TFEC: variants seen among roughly 807,000 people sequenced by gnomAD.
TFEC encodes class E basic helix-loop-helix protein 34.
In TFEC, 31 loss-of-function variants were observed where a neutral mutation model predicts 41.6. The ratio of observed to expected loss-of-function variants is 0.74; its 90% CI spans 0.56 to 1.01. The LOEUF is 1.01. Among genes scored for constraint, TFEC ranks in the 50% least tolerant of loss-of-function variants. The pLI, the probability that TFEC is intolerant of heterozygous loss-of-function variation, is 0.00. For synonymous variants in TFEC, 143 were observed against 140.6 expected, an observed-to-expected ratio of 1.02 and a Z score of -0.12; for missense variants, 402 against 404.1, an observed-to-expected ratio of 0.99 and a Z score of 0.04.
intron 3 of TFEC, among the ~76,000 whole-genome samples, chr7:116,063,536 T>C (rs1584471162): frequency 6.6e-6 from 1 of 152,218 alleles, no homozygotes; most frequent in East Asian, 1.9e-4. Context: ...GGAGAATCAC[T>C]TGAACCTGGG....
At chr7:115,961,969 A>T (rs1792579611) in intron 3 of TFEC, among the ~76,000 whole-genome samples, 1 of 151,556 alleles carries the variant, frequency 6.6e-6, no homozygotes, top group Non-Finnish European at 1.5e-5. Flanking sequence ...ACACCATCAA[A>T]CTGTGTGCTG....
intron 6 of TFEC, among the ~76,000 whole-genome samples, chr7:115,943,435 A>C (rs1383070410): frequency 6.6e-6 from 1 of 152,004 alleles, no homozygotes; most frequent in Admixed American, 6.6e-5. Context: ...TTAAAAAAAA[A>C]GATAACCCTA....
chr7:116,102,834 A>G (rs1401833900), intron 3 of TFEC, among the ~76,000 whole-genome samples: 1 of 152,224 alleles, frequency 6.6e-6, no homozygotes. Flanking sequence ...TGTGTAGCTC[A>G]GAGGAGGGCT....
At chr7:116,143,663 C>T (rs527728220) in intron 1 of TFEC, among the ~76,000 whole-genome samples, 2 of 152,274 alleles carry the variant, frequency 1.3e-5, no homozygotes, top group East Asian at 3.9e-4. Context: ...CTATAGGGAA[C>T]TGCGGGATCC....
chr7:115,996,799 A>G (rs1332700830), intron 1 of TFEC, among the ~76,000 whole-genome samples: 2 of 152,224 alleles, frequency 1.3e-5, no homozygotes, highest in Non-Finnish European at 1.5e-5. Flanking sequence ...CCAACCAGAT[A>G]GTACTCACCA....
chr7:116,110,152 C>T (rs1797820086), intron 3 of TFEC, among the ~76,000 whole-genome samples: 1 of 152,100 alleles, frequency 6.6e-6, no homozygotes, highest in African/African-American at 2.4e-5. Flanking sequence ...GTGCAGCGCA[C>T]CAACATGGCA....
intron 1 of TFEC, among the ~76,000 whole-genome samples, chr7:116,133,784 C>A (rs763010390): frequency 1.3e-5 from 2 of 152,138 alleles, no homozygotes; most frequent in South Asian, 2.1e-4. Flanking sequence ...CTGTAGTAAA[C>A]GCTAAAACTT....
chr7:116,040,316 A>G (rs977107760), intron 3 of TFEC, among the ~76,000 whole-genome samples: 2 of 152,162 alleles, frequency 1.3e-5, no homozygotes, highest in African/African-American at 4.8e-5. Context: ...CTTATTTCCT[A>G]GCTTAAAAAG....
chr7:116,158,030 T>C (rs547326658), intron 1 of TFEC, among the ~76,000 whole-genome samples: 36 of 152,302 alleles, frequency 2.4e-4, no homozygotes, highest in Middle Eastern at 3.4e-3. Context: ...ACAATCTCCT[T>C]ATTTGTAAAA....
At chr7:116,155,126 A>G (rs1431385860) in intron 1 of TFEC, among the ~76,000 whole-genome samples, 1 of 152,198 alleles carries the variant, frequency 6.6e-6, no homozygotes, top group Non-Finnish European at 1.5e-5. Flanking sequence ...TCCTTGAAAG[A>G]CCTAGTACGA....
At chr7:116,050,794 T>C (rs1413560904) in intron 3 of TFEC, among the ~76,000 whole-genome samples, 2 of 152,262 alleles carry the variant, frequency 1.3e-5, no homozygotes, top group Non-Finnish European at 2.9e-5. Flanking sequence ...ATCCCATTAC[T>C]GGGCATATAC....
intron 1 of TFEC, among the ~76,000 whole-genome samples, chr7:115,996,103 G>T (rs2130748929): frequency 6.6e-6 from 1 of 152,306 alleles, no homozygotes; most frequent in East Asian, 1.9e-4. Flanking sequence ...ATCAGCTGGG[G>T]TGGCAAAGGG....
At chr7:115,978,877 A>G (rs1024431355) in intron 2 of TFEC, among the ~76,000 whole-genome samples, 1 of 152,146 alleles carries the variant, frequency 6.6e-6, no homozygotes, top group African/African-American at 2.4e-5. Flanking sequence ...AATGTTGGTC[A>G]TCTTCAAAAG....
intron 1 of TFEC, among the ~76,000 whole-genome samples, chr7:116,027,726 T>C (rs990271590): frequency 1.3e-5 from 2 of 151,968 alleles, no homozygotes; most frequent in African/African-American, 2.4e-5. Flanking sequence ...ATAAAAGAAG[T>C]CTCTGGCTCA....
intron 3 of TFEC, among the ~76,000 whole-genome samples, chr7:116,054,869 A>C (rs1796391974): frequency 6.6e-6 from 1 of 152,146 alleles, no homozygotes; most frequent in Admixed American, 6.5e-5. Flanking sequence ...ACTAGTATTA[A>C]TTTAAGCAAA....
intron 3 of TFEC, among the ~76,000 whole-genome samples, chr7:116,042,244 A>G (rs1340536811): frequency 6.6e-6 from 1 of 152,216 alleles, no homozygotes; most frequent in Admixed American, 6.5e-5. Context: ...GAGCCATGGA[A>G]GAACATTCTT....
intron 3 of TFEC, among the ~76,000 whole-genome samples, chr7:116,049,409 C>A (rs77510528): frequency 3.3e-5 from 5 of 152,038 alleles, no homozygotes; most frequent in African/African-American, 1.2e-4. Context: ...GTAAAGGGAT[C>A]AATTCAACAA....
At chr7:116,139,892 AGGCACTCAGGGCACTTGGACAGAAATG>A (rs1269379718) in intron 1 of TFEC, among the ~76,000 whole-genome samples, 3 of 152,212 alleles carry the variant, frequency 2.0e-5, no homozygotes, top group African/African-American at 7.2e-5. Flanking sequence ...AACCTTGACC[AGGCACTCAGGGCACTTGGACAGAAATG>A]GGCATAACCC....
chr7:116,032,699 G>A (rs1003908062), upstream of TFEC, among the ~76,000 whole-genome samples: 5 of 152,098 alleles, frequency 3.3e-5, no homozygotes, highest in African/African-American at 1.2e-4. Flanking sequence ...AAGGCTGGAG[G>A]AGTGAGAGGA....
Sources: gnomAD v4.1 joint callset for allele counts (sites outside exome capture counted in the v4.1 genomes callset) on GRCh38, gnomAD v4.1.1 for gene constraint, MANE v1.5 for transcripts, NCBI Gene and HGNC (gene_info 2026-07-23, HGNC 2026-07-21) for gene names.